The following MTSS1 variants were observed in gnomAD, a reference collection of about 807,000 sequenced individuals.
MTSS1 encodes the protein protein MTSS 1.
In MTSS1, 18 loss-of-function variants were observed where a neutral mutation model predicts 79.0. The ratio of observed to expected loss-of-function variants is 0.23; its 90% confidence interval spans 0.16 to 0.34. The LOEUF is 0.34. MTSS1 is among the 10% of genes least tolerant of loss of function. The probability of loss-of-function intolerance (pLI) is 1.00; values close to 1 mark genes in which losing one functional copy is unlikely to be tolerated. For missense variants in MTSS1, 815 were observed against 986.2 expected (o/e 0.83, Z 2.33); for synonymous variants, 341 against 368.6 (o/e 0.93, Z 0.86).
chr8:124,660,969 A>G (rs1021138746), intron 3 of MTSS1, among the ~76,000 whole-genome samples: 2 of 152,216 alleles, frequency 1.3e-5, no homozygotes, highest in East Asian at 1.9e-4. Flanking sequence ...TTTGGTTCAC[A>G]CTGTATCCTC....
intron 3 of MTSS1, among the ~76,000 whole-genome samples, chr8:124,663,236 C>T (rs1822424641): frequency 6.6e-6 from 1 of 152,180 alleles, no homozygotes; most frequent in Non-Finnish European, 1.5e-5. Flanking sequence ...AGGCTGCCTG[C>T]TAAACCTCAT....
chr8:124,613,327 T>C (rs1286089908), intron 3 of MTSS1, among the ~76,000 whole-genome samples: 1 of 152,180 alleles, frequency 6.6e-6, no homozygotes, highest in Non-Finnish European at 1.5e-5. Context: ...TTGAATGAGA[T>C]AATCCAAGTA....
chr8:124,606,445 C>T (rs953593124), intron 3 of MTSS1, among the ~76,000 whole-genome samples: 13 of 152,072 alleles, frequency 8.5e-5, no homozygotes, highest in African/African-American at 2.7e-4. Flanking sequence ...CCCTGCACCC[C>T]GCCAAAAGTA....
At chr8:124,604,439 T>C (rs1834454550) in intron 3 of MTSS1, among the ~76,000 whole-genome samples, 1 of 151,918 alleles carries the variant, frequency 6.6e-6, no homozygotes, top group Non-Finnish European at 1.5e-5. Context: ...ATAGGTTCCT[T>C]AGGACAAAGG....
In MTSS1 at chr8:124,702,676, C is replaced by T. The variant is rs146617783; in HGVS notation, c.134+1454G>A. On this transcript the variant is annotated intron_variant, in intron 2 of 13. Coordinates refer to ENST00000518547, the MANE Select transcript of MTSS1 (RefSeq NM_014751.6). ...AAAGGCCCGAGAGCATCACATCATC[C>T]CTCTCCCACCTCTCTGTCGTCCACA... Among the ~76,000 whole-genome samples, 390 of 152,276 alleles carry T rather than the reference C, an allele frequency of 2.6e-3. 1 individual carries two copies. The highest frequency in any genetic ancestry group is 8.8e-3 in the African/African-American group (366 of 41,556).
At chr8:124,719,311 T>C (rs1416355702) in intron 1 of MTSS1, among the ~76,000 whole-genome samples, 1 of 152,232 alleles carries the variant, frequency 6.6e-6, no homozygotes, top group Non-Finnish European at 1.5e-5. Flanking sequence ...GCACTTAGCA[T>C]AGTGCCTGGT....
intron 3 of MTSS1, among the ~76,000 whole-genome samples, chr8:124,695,204 T>C (rs1254662969): frequency 6.6e-6 from 1 of 152,184 alleles, no homozygotes; most frequent in Non-Finnish European, 1.5e-5. Context: ...TGTTCCCTTT[T>C]GGAAACAATA....
chr8:124,646,111 C>T (rs765436368), intron 3 of MTSS1, among the ~76,000 whole-genome samples: 6 of 152,202 alleles, frequency 3.9e-5, no homozygotes, highest in African/African-American at 1.2e-4. Context: ...TCCTGGGCCA[C>T]GCTGAAACCT....
At chr8:124,628,146 G>A (rs538812135) in intron 3 of MTSS1, among the ~76,000 whole-genome samples, 1 of 152,144 alleles carries the variant, frequency 6.6e-6, no homozygotes, top group Non-Finnish European at 1.5e-5. Flanking sequence ...CAGCCTGGGC[G>A]ACAGAGGGAG....
At chr8:124,718,014 A>AAGGCAAGG (rs1832348255) in intron 1 of MTSS1, among the ~76,000 whole-genome samples, 2 of 152,230 alleles carry the variant, frequency 1.3e-5, no homozygotes, top group African/African-American at 4.8e-5. Context: ...CACACACGGA[A>AAGGCAAGG]AGGCAAGGAC....
At chr8:124,661,507 C>T (rs975366726) in intron 3 of MTSS1, among the ~76,000 whole-genome samples, 3 of 152,100 alleles carry the variant, frequency 2.0e-5, no homozygotes, top group Non-Finnish European at 4.4e-5. Context: ...AAAGGAGCCC[C>T]GCAGCTGGGA....
At chr8:124,672,077 T>C (rs1824322732) in intron 3 of MTSS1, among the ~76,000 whole-genome samples, 1 of 152,230 alleles carries the variant, frequency 6.6e-6, no homozygotes, top group Non-Finnish European at 1.5e-5. Context: ...CTTCATAATT[T>C]CTGAAGGAAT....
chr8:124,620,539 C>G (rs1272829052), intron 3 of MTSS1, among the ~76,000 whole-genome samples: 1 of 152,184 alleles, frequency 6.6e-6, no homozygotes, highest in African/African-American at 2.4e-5. Context: ...AACATAAACC[C>G]TGTGTCAGCC....
rs1016676688 is a variant in MTSS1, at chr8:124,552,761, T to A, written c.*231A>T. On this transcript the variant is annotated 3_prime_UTR_variant, in exon 14 of 14. Transcript: ENST00000518547. ...AGAAAAATCAAAAGGGAAACTAAGA[T>A]TAAAATGTGCAGAAAGAAAATTGTC... The A allele has an allele frequency of 4.3e-6, 2 of 469,410 alleles. No homozygotes were observed. Among genetic ancestry groups the A allele is most frequent in the African/African-American group, 3.9e-5 (2 of 51,552 alleles). 29.1% of individuals were successfully genotyped at this position (469,410 alleles called of 1,614,324 possible).
intron 6 of MTSS1, chr8:124,577,588 G>A (rs1386508841): frequency 1.9e-6 from 1 of 519,000 alleles, no homozygotes; most frequent in African/African-American, 1.9e-5. Flanking sequence ...CAGGTCAGGG[G>A]CAGCTTTCTG....
At chr8:124,595,306 C>A (rs1486269074) in intron 3 of MTSS1, among the ~76,000 whole-genome samples, 4 of 152,194 alleles carry the variant, frequency 2.6e-5, no homozygotes, top group African/African-American at 4.8e-5. Flanking sequence ...CTTAAAACAA[C>A]AGAAGTTTAT....
chr8:124,558,665 G>T, intron 10 of MTSS1: 1 of 1,484,404 alleles, frequency 6.7e-7, no homozygotes, highest in Non-Finnish European at 9.0e-7. Flanking sequence ...CAGCAGGCAG[G>T]GGGACCAGGG....
At chr8:124,558,057 G>T in intron 10 of MTSS1, 182 bp from the exon 11 acceptor site, 1 of 559,016 alleles carries the variant, frequency 1.8e-6, no homozygotes, top group Non-Finnish European at 3.1e-6. Context: ...GAGCCGGGGT[G>T]CAAAGAATGC....
At chr8:124,704,462 G>A (rs1232752651) in intron 1 of MTSS1, among the ~76,000 whole-genome samples, 1 of 152,154 alleles carries the variant, frequency 6.6e-6, no homozygotes, top group South Asian at 2.1e-4. Context: ...GTTGGTAGAT[G>A]GTGGGTCCAA....
Sources: gnomAD v4.1 joint callset for allele counts (sites outside exome capture counted in the v4.1 genomes callset) on GRCh38, gnomAD v4.1.1 for gene constraint, MANE v1.5 for transcripts, NCBI Gene and HGNC (gene_info 2026-07-23, HGNC 2026-07-21) for gene names.